MINDY4B: variants seen among roughly 807,000 people sequenced by gnomAD.
MINDY4B encodes the protein inactive ubiquitin carboxyl-terminal hydrolase MINDY-4B.
In MINDY4B, 25 loss-of-function variants were observed where a neutral mutation model predicts 16.7. That is an observed-to-expected ratio of 1.49 (90% CI 1.09 to 2.09). MINDY4B has a LOEUF of 2.09. Ranked by LOEUF, MINDY4B falls within the 30% of genes most tolerant of loss-of-function variation. The probability of loss-of-function intolerance (pLI) is 0.00; values close to 1 mark genes in which losing one functional copy is unlikely to be tolerated. For missense variants in MINDY4B, 327 were observed against 168.4 expected (o/e 1.94, Z -5.21); for synonymous variants, 132 against 61.9 (o/e 2.13, Z -5.32).
chr3:150,902,836 A>G (rs1453488932), intron 3 of MINDY4B, among the ~76,000 whole-genome samples: 1 of 152,190 alleles, frequency 6.6e-6, no homozygotes, highest in African/African-American at 2.4e-5. Flanking sequence ...TGGCCTGACA[A>G]GTTTCCCCAG....
chr3:150,880,305 CTGTGTGTGTG>C lies in MINDY4B; in HGVS notation c.1059+2582_1059+2591del, dbSNP rs60659488. Among the ~76,000 whole-genome samples, 305 of 149,864 alleles carry C rather than the reference CTGTGTGTGTG, an allele frequency of 2.0e-3. 4 individuals carry two copies. The South Asian group carries it at 0.023, about 12-fold the overall frequency. ...CCTCACCTTTATGCCAGGTTCCCAT[CTGTGTGTGTG>C]TGTGTGTGTGTGTGTGTGTGTGTGT... On this transcript the variant is annotated intron_variant, in intron 10 of 11. Transcript: ENST00000465419.
chr3:150,900,507 C>G (rs759841364), intron 3 of MINDY4B, among the ~76,000 whole-genome samples: 8 of 152,166 alleles, frequency 5.3e-5, no homozygotes, highest in Non-Finnish European at 1.0e-4. Flanking sequence ...AAACTGCCTC[C>G]CTAGAACAAG....
At chr3:150,887,104 A>G (rs1460152118) in intron 7 of MINDY4B, among the ~76,000 whole-genome samples, 1 of 152,244 alleles carries the variant, frequency 6.6e-6, no homozygotes, top group African/African-American at 2.4e-5. Flanking sequence ...CAGGAGCACT[A>G]TTCTTGTGTT....
chr3:150,891,761 C>CAAAAAAAA (rs35565267), intron 5 of MINDY4B, among the ~76,000 whole-genome samples: 1 of 68,652 alleles, frequency 1.5e-5, no homozygotes, highest in African/African-American at 7.6e-5. Context: ...GACTCCATCT[C>CAAAAAAAA]AAAAAAAAAA....
chr3:150,899,298 G>A (rs934413981), intron 3 of MINDY4B, among the ~76,000 whole-genome samples: 6 of 152,180 alleles, frequency 3.9e-5, no homozygotes, highest in Non-Finnish European at 7.3e-5. Flanking sequence ...ACCAGCCAGC[G>A]TCCCAGCAGG....
At chr3:150,894,332 A>G in intron 3 of MINDY4B, 27 bp from the exon 4 acceptor site, 1 of 677,780 alleles carries the variant, frequency 1.5e-6, no homozygotes, top group Non-Finnish European at 2.7e-6. Context: ...GAAATGATTC[A>G]ACAAAAGAGA....
At chr3:150,881,952 A>G (rs1358373725) in intron 10 of MINDY4B, among the ~76,000 whole-genome samples, 3 of 152,210 alleles carry the variant, frequency 2.0e-5, no homozygotes, top group Non-Finnish European at 4.4e-5. Context: ...GAAGCCCTAT[A>G]TACATGAAAG....
At chr3:150,879,780 G>A (rs1711505931) in intron 10 of MINDY4B, among the ~76,000 whole-genome samples, 1 of 152,178 alleles carries the variant, frequency 6.6e-6, no homozygotes, top group Non-Finnish European at 1.5e-5. Context: ...GGCATTGATA[G>A]TTGTAAAAGA....
chr3:150,874,913 A>G (rs1717056316), intron 10 of MINDY4B, among the ~76,000 whole-genome samples: 4 of 152,232 alleles, frequency 2.6e-5, no homozygotes, highest in Admixed American at 2.6e-4. Flanking sequence ...TACCACAGAA[A>G]AATTATATTG....
chr3:150,895,962 C>T (rs1380550647), intron 3 of MINDY4B, among the ~76,000 whole-genome samples: 2 of 152,024 alleles, frequency 1.3e-5, no homozygotes, highest in African/African-American at 4.8e-5. Flanking sequence ...CTTTTAGATT[C>T]CTCTTCTTTC....
intron 3 of MINDY4B, among the ~76,000 whole-genome samples, chr3:150,900,026 C>T (rs1576615952): frequency 6.6e-6 from 1 of 152,244 alleles, no homozygotes; most frequent in East Asian, 1.9e-4. Context: ...CAGAAAAGGG[C>T]CTGGGAGTGG....
chr3:150,877,954 T>C (rs965448361), intron 10 of MINDY4B, among the ~76,000 whole-genome samples: 3 of 152,154 alleles, frequency 2.0e-5, no homozygotes, highest in African/African-American at 7.2e-5. Context: ...GTGGACAGAA[T>C]GTGATCATTG....
At chr3:150,896,086 CTT>C (rs1413319503) in intron 3 of MINDY4B, among the ~76,000 whole-genome samples, 1 of 151,960 alleles carries the variant, frequency 6.6e-6, no homozygotes, top group African/African-American at 2.4e-5. Context: ...TTTTCTTTGT[CTT>C]TGTTGAATTG....
At chr3:150,888,102 G>C (rs956860858) in intron 7 of MINDY4B, among the ~76,000 whole-genome samples, 2 of 151,930 alleles carry the variant, frequency 1.3e-5, no homozygotes, top group African/African-American at 4.8e-5. Flanking sequence ...GCAAGATTCC[G>C]TCTCAAAAAA....
At chr3:150,903,494 C>T (rs1712165282) in intron 2 of MINDY4B, 78 bp from the exon 3 acceptor site, 1 of 397,592 alleles carries the variant, frequency 2.5e-6, no homozygotes, top group Admixed American at 4.4e-5. Context: ...CTCTTTTTCT[C>T]TCTGAAATAC....
intron 6 of MINDY4B, 191 bp from the exon 7 acceptor site, chr3:150,890,576 A>G: frequency 2.1e-6 from 1 of 483,384 alleles, no homozygotes; most frequent in Non-Finnish European, 3.7e-6. Context: ...TACCAGCATC[A>G]CTTCTACATT....
intron 3 of MINDY4B, among the ~76,000 whole-genome samples, chr3:150,898,755 C>G (rs957652179): frequency 6.6e-6 from 1 of 152,142 alleles, no homozygotes; most frequent in Non-Finnish European, 1.5e-5. Flanking sequence ...CATTTGATTG[C>G]TATGATGACA....
At chr3:150,872,706 G>C (rs1175747081) in intron 11 of MINDY4B, among the ~76,000 whole-genome samples, 1 of 152,230 alleles carries the variant, frequency 6.6e-6, no homozygotes, top group Non-Finnish European at 1.5e-5. Context: ...CTGGCACAGA[G>C]TAGGCCCTCA....
intron 2 of MINDY4B, among the ~76,000 whole-genome samples, chr3:150,904,468 C>CT (rs915120451): frequency 1.3e-5 from 2 of 152,168 alleles, no homozygotes; most frequent in African/African-American, 4.8e-5. Context: ...ATCATATATA[C>CT]TAGTACCATG....
Sources: allele counts gnomAD v4.1 joint callset (sites outside exome capture counted in the v4.1 genomes callset), GRCh38; gene constraint gnomAD v4.1.1; transcripts MANE v1.5; gene names NCBI Gene and HGNC (gene_info 2026-07-23, HGNC 2026-07-21).